TBL1XR1: variants seen among roughly 807,000 people sequenced by gnomAD.
TBL1XR1 encodes TBL1X/Y related 1.
In TBL1XR1, 5 loss-of-function variants were observed where a neutral mutation model predicts 66.9. The ratio of observed to expected loss-of-function variants is 0.07; its 90% CI spans 0.04 to 0.16. The LOEUF is 0.16. TBL1XR1 is among the 10% of genes least tolerant of loss of function. The pLI is 1.00. For missense variants in TBL1XR1, 238 were observed against 623.2 expected (o/e 0.38, Z 6.58); for synonymous variants, 210 against 206.0 (o/e 1.02, Z -0.17).
chr3:177,137,169 A>G (rs1729096094), intron 1 of TBL1XR1, among the ~76,000 whole-genome samples: 1 of 152,240 alleles, frequency 6.6e-6, no homozygotes, highest in Non-Finnish European at 1.5e-5. Context: ...CTAAGGCACT[A>G]TATACTAAAG....
At chr3:177,186,212 A>G (rs75161313) in intron 1 of TBL1XR1, among the ~76,000 whole-genome samples, 1 of 152,170 alleles carries the variant, frequency 6.6e-6, no homozygotes. Context: ...TAATTTTACA[A>G]ATGTATATCC....
At chr3:177,102,228 G>A (rs184587474) in intron 1 of TBL1XR1, among the ~76,000 whole-genome samples, 2 of 152,106 alleles carry the variant, frequency 1.3e-5, no homozygotes, top group East Asian at 1.9e-4. Context: ...ACTACAAGTC[G>A]TTAAGGAGAA....
intron 12 of TBL1XR1, among the ~76,000 whole-genome samples, chr3:177,036,101 C>T (rs781636905): frequency 1.4e-4 from 21 of 152,192 alleles, no homozygotes; most frequent in Non-Finnish European, 2.9e-4. Context: ...GTAAAGGAAC[C>T]AGGCCGCGTT....
chr3:177,096,328 A>G (rs1181783266), intron 2 of TBL1XR1, among the ~76,000 whole-genome samples: 2 of 115,236 alleles, frequency 1.7e-5, no homozygotes, highest in Non-Finnish European at 3.7e-5. Flanking sequence ...ACACTAACAT[A>G]CATACATACA....
At chr3:177,122,288 TAAAAA>T (rs11342009) in intron 1 of TBL1XR1, among the ~76,000 whole-genome samples, 1 of 142,884 alleles carries the variant, frequency 7.0e-6, no homozygotes. Flanking sequence ...ATAAGACAGA[TAAAAA>T]AAAAAAAAAA....
At chr3:177,108,398 A>G (rs1387479544) in intron 1 of TBL1XR1, among the ~76,000 whole-genome samples, 1 of 152,184 alleles carries the variant, frequency 6.6e-6, no homozygotes, top group African/African-American at 2.4e-5. Flanking sequence ...AATGGAAAGA[A>G]TAAGGCTTTC....
At chr3:177,116,408 G>A (rs1270320543) in intron 1 of TBL1XR1, among the ~76,000 whole-genome samples, 9 of 151,980 alleles carry the variant, frequency 5.9e-5, no homozygotes, top group Non-Finnish European at 8.8e-5. Context: ...CTATTTCTAG[G>A]ATGCAACTTG....
chr3:177,173,466 T>G (rs938664263), intron 1 of TBL1XR1, among the ~76,000 whole-genome samples: 9 of 152,152 alleles, frequency 5.9e-5, no homozygotes, highest in African/African-American at 2.2e-4. Flanking sequence ...CCCTGTTTGA[T>G]ATGATGTGAT....
chr3:177,151,710 A>C (rs6443429), intron 1 of TBL1XR1, among the ~76,000 whole-genome samples: 97,718 of 152,026 alleles, frequency 0.64, 31,881 homozygotes, highest in East Asian at 0.76. Flanking sequence ...ACTGTGAAAT[A>C]TCAGACTAAT....
intron 9 of TBL1XR1, 62 bp from the exon 10 acceptor site, chr3:177,046,251 G>A (rs1716311708): frequency 1.7e-6 from 2 of 1,211,984 alleles, no homozygotes; most frequent in South Asian, 1.5e-5. Context: ...CATGTGTAAA[G>A]TATATGCCTA....
chr3:177,107,641 T>C (rs1004820761), intron 1 of TBL1XR1, among the ~76,000 whole-genome samples: 7 of 152,210 alleles, frequency 4.6e-5, no homozygotes, highest in African/African-American at 1.4e-4. Context: ...CTGTGTTATC[T>C]GCCTGACCCA....
chr3:177,035,782 C>T (rs1427743292), intron 12 of TBL1XR1, among the ~76,000 whole-genome samples: 1 of 152,196 alleles, frequency 6.6e-6, no homozygotes, highest in Admixed American at 6.5e-5. Flanking sequence ...CACTAACACA[C>T]AGATATCCTG....
At chr3:177,201,798 T>A (rs1737345316), upstream of TBL1XR1, 1 of 152,258 alleles carries the variant, frequency 6.6e-6, no homozygotes, top group Non-Finnish European at 1.5e-5. Context: ...GCTGATACTC[T>A]GTGATGTTTC....
At chr3:177,175,345 A>G (rs1035115770) in intron 1 of TBL1XR1, among the ~76,000 whole-genome samples, 27 of 152,230 alleles carry the variant, frequency 1.8e-4, no homozygotes, top group African/African-American at 7.2e-5. Flanking sequence ...GTGTTTGGTG[A>G]TATTATTTTA....
At chr3:177,083,164 T>C (rs1298912103) in intron 2 of TBL1XR1, among the ~76,000 whole-genome samples, 2 of 152,146 alleles carry the variant, frequency 1.3e-5, no homozygotes, top group East Asian at 3.9e-4. Context: ...TATTGGTCAA[T>C]TAAGAGAGTG....
intron 1 of TBL1XR1, among the ~76,000 whole-genome samples, chr3:177,121,840 T>C (rs73187546): frequency 0.07 from 10,687 of 152,006 alleles, 534 homozygotes; most frequent in Admixed American, 0.17. Context: ...AGAATGTTCT[T>C]AGCTAAAGAT....
At chr3:177,198,006 C>T (rs539959126), upstream of TBL1XR1, among the ~76,000 whole-genome samples, 132 of 151,162 alleles carry the variant, frequency 8.7e-4, no homozygotes, top group African/African-American at 3.0e-3. Flanking sequence ...GTCCGGGGGG[C>T]GGCCCGGCGG....
intron 3 of TBL1XR1, among the ~76,000 whole-genome samples, chr3:177,057,943 A>G (rs371312222): frequency 9.2e-5 from 14 of 152,278 alleles, no homozygotes; most frequent in African/African-American, 3.4e-4. Flanking sequence ...GAAGATCACA[A>G]AACAGCCATT....
At chr3:177,147,656 C>T (rs963960900) in intron 1 of TBL1XR1, among the ~76,000 whole-genome samples, 2 of 152,134 alleles carry the variant, frequency 1.3e-5, no homozygotes, top group Non-Finnish European at 2.9e-5. Context: ...GCCCATTTTT[C>T]TTGGGGCTGA....
Sources: gnomAD v4.1 joint callset for allele counts (sites outside exome capture counted in the v4.1 genomes callset) on GRCh38, gnomAD v4.1.1 for gene constraint, MANE v1.5 for transcripts, NCBI Gene and HGNC (gene_info 2026-07-23, HGNC 2026-07-21) for gene names.